The following PCDH15 variants were observed in gnomAD, a reference collection of about 807,000 sequenced individuals.
PCDH15 encodes protocadherin-15.
In PCDH15, 129 loss-of-function variants were observed where a neutral mutation model predicts 178.5. The ratio of observed to expected loss-of-function variants is 0.72; its 90% CI spans 0.63 to 0.84. The LOEUF is 0.84. PCDH15 is among the 40% of genes least tolerant of loss of function. The probability of loss-of-function intolerance (pLI) is 0.00; values close to 1 mark genes in which losing one functional copy is unlikely to be tolerated. For synonymous variants in PCDH15, 800 were observed against 732.0 expected (o/e 1.09, Z -1.50); for missense variants, 2,230 against 2,099.9 (o/e 1.06, Z -1.21).
intron 1 of PCDH15, among the ~76,000 whole-genome samples, chr10:54,792,229 T>TA (rs1167870524): frequency 6.6e-6 from 1 of 151,878 alleles, no homozygotes; most frequent in Admixed American, 6.6e-5. Flanking sequence ...TTTTGGGAAA[T>TA]ACTTGCCTAC....
intron 2 of PCDH15, among the ~76,000 whole-genome samples, chr10:55,090,609 C>A (rs1278751690): frequency 6.6e-6 from 1 of 152,022 alleles, no homozygotes; most frequent in Non-Finnish European, 1.5e-5. Flanking sequence ...GTTCCATGCA[C>A]TTGAGGGAAA....
At chr10:55,006,497 A>C (rs1374887798) in intron 2 of PCDH15, among the ~76,000 whole-genome samples, 1 of 152,238 alleles carries the variant, frequency 6.6e-6, no homozygotes, top group African/African-American at 2.4e-5. Context: ...TAAAAGGTAG[A>C]AGGAACATTG....
At chr10:54,889,662 T>C (rs1333287272) in intron 3 of PCDH15, among the ~76,000 whole-genome samples, 1 of 151,374 alleles carries the variant, frequency 6.6e-6, no homozygotes, top group African/African-American at 2.4e-5. Context: ...CTCCACAAAT[T>C]CTGAGATGAT....
chr10:55,128,805 G>T (rs1338805215), intron 2 of PCDH15, among the ~76,000 whole-genome samples: 2 of 151,740 alleles, frequency 1.3e-5, no homozygotes, highest in Non-Finnish European at 3.0e-5. Context: ...CATCAATAGA[G>T]ATCTGAGACT....
intron 2 of PCDH15, among the ~76,000 whole-genome samples, chr10:55,046,428 G>T (rs1841008062): frequency 6.6e-6 from 1 of 151,900 alleles, no homozygotes; most frequent in African/African-American, 2.4e-5. Flanking sequence ...TAAGGCTTTG[G>T]GTAATGAAAA....
chr10:55,245,485 C>G (rs1221069508), intron 1 of PCDH15, among the ~76,000 whole-genome samples: 2 of 151,996 alleles, frequency 1.3e-5, no homozygotes, highest in Non-Finnish European at 2.9e-5. Context: ...TATTTTTATT[C>G]TGACCCAAGC....
rs118010596 is a variant in PCDH15, at chr10:54,997,620, G to A, written c.-79-100120C>T. Among the ~76,000 whole-genome samples the A allele has an allele frequency of 4.1e-3, 630 of 152,182 alleles. 1 individual carries two copies. Among genetic ancestry groups the A allele is most frequent in the Admixed American group, 7.4e-3 (113 of 15,288 alleles). On this transcript the variant is annotated intron_variant, in intron 2 of 5. Transcript: ENST00000458638. Reference sequence around the variant, plus strand: ...ATTTATTTGACAAAACTAATATAATGTTTTTGGTTTAATAAAAACAGCTAA... The same window carrying A: ...ATTTATTTGACAAAACTAATATAATATTTTTGGTTTAATAAAAACAGCTAA...
intron 21 of PCDH15, among the ~76,000 whole-genome samples, chr10:53,974,351 C>A (rs1226949071): frequency 1.3e-5 from 2 of 151,944 alleles, no homozygotes; most frequent in East Asian, 3.9e-4. Context: ...TCTCTAGGGG[C>A]TTTTTGTTTT....
intron 2 of PCDH15, among the ~76,000 whole-genome samples, chr10:55,410,166 G>T (rs1838297769): frequency 6.6e-6 from 1 of 151,772 alleles, no homozygotes; most frequent in East Asian, 1.9e-4. Context: ...TGTTTGTTTT[G>T]CTCCAAAAAT....
chr10:55,128,453 T>C (rs1397736566), intron 2 of PCDH15, among the ~76,000 whole-genome samples: 1 of 152,058 alleles, frequency 6.6e-6, no homozygotes, highest in East Asian at 1.9e-4. Context: ...CTACTTAACC[T>C]CATGCTCTCT....
chr10:54,177,966 C>G (rs1398975492), intron 13 of PCDH15, among the ~76,000 whole-genome samples: 1 of 152,028 alleles, frequency 6.6e-6, no homozygotes, highest in Non-Finnish European at 1.5e-5. Flanking sequence ...GGGCATTTAA[C>G]TTTGGGAGAC....
chr10:55,413,061 T>A (rs1259884418), intron 2 of PCDH15, among the ~76,000 whole-genome samples: 1 of 151,768 alleles, frequency 6.6e-6, no homozygotes, highest in Non-Finnish European at 1.5e-5. Flanking sequence ...ATAAACTAAA[T>A]CTTATGAAAA....
intron 3 of PCDH15, among the ~76,000 whole-genome samples, chr10:54,420,968 C>T (rs1321682335): frequency 6.6e-6 from 1 of 152,014 alleles, no homozygotes; most frequent in African/African-American, 2.4e-5. Flanking sequence ...CTTTAATAGG[C>T]ATTTGAATGT....
chr10:54,323,303 G>T (rs1013429029), intron 7 of PCDH15, among the ~76,000 whole-genome samples: 16 of 152,114 alleles, frequency 1.1e-4, no homozygotes, highest in Non-Finnish European at 1.6e-4. Context: ...AAAGCAGTTT[G>T]AAGATTTCTC....
intron 17 of PCDH15, among the ~76,000 whole-genome samples, chr10:54,071,073 A>G (rs796696941): frequency 6.6e-6 from 1 of 152,210 alleles, no homozygotes; most frequent in Non-Finnish European, 1.5e-5. Context: ...CTATCTCAGG[A>G]AATGACATGG....
chr10:55,357,558 ACCTT>A (rs1845111014), intron 2 of PCDH15, among the ~76,000 whole-genome samples: 1 of 151,990 alleles, frequency 6.6e-6, no homozygotes, highest in East Asian at 1.9e-4. Context: ...GGATAGTAGT[ACCTT>A]CCTTTAGAGA....
chr10:55,268,864 A>G (rs1326431828), intron 1 of PCDH15, among the ~76,000 whole-genome samples: 1 of 152,168 alleles, frequency 6.6e-6, no homozygotes, highest in African/African-American at 2.4e-5. Context: ...TATTATGGAA[A>G]GAAATAAAAG....
At chr10:54,648,946 G>C (rs1031884794) in intron 2 of PCDH15, among the ~76,000 whole-genome samples, 3 of 152,054 alleles carry the variant, frequency 2.0e-5, no homozygotes, top group Admixed American at 6.6e-5. Flanking sequence ...CATTATCTAA[G>C]TCTAAGCCTT....
At position 55,545,045 on chromosome 10, in the gene PCDH15, T is replaced by G. The variant is rs1375741871; in HGVS notation, c.-156+82580A>C. ...TTTTTAAAGTGTATCTTCAAAGAAA[T>G]GCCTTTTAGAACTCCCTAAATATGC... is the stretch of plus-strand genomic sequence containing the variant. On this transcript the variant is annotated intron_variant, in intron 2 of 5. Transcript: ENST00000613346. Among the ~76,000 whole-genome samples, 5 of 152,090 alleles carry G rather than the reference T, an allele frequency of 3.3e-5. No homozygotes were observed. In the South Asian group the frequency reaches 1.0e-3, roughly 31 times the overall value.
Sources: allele counts gnomAD v4.1 joint callset (sites outside exome capture counted in the v4.1 genomes callset), GRCh38; gene constraint gnomAD v4.1.1; transcripts MANE v1.5; gene names NCBI Gene and HGNC (gene_info 2026-07-23, HGNC 2026-07-21).